Variants in NELL2 observed in about 807,000 individuals in gnomAD.
NELL2 encodes the protein protein kinase C-binding protein NELL2.
Under a neutral mutation model 109.6 loss-of-function variants are expected in NELL2, and 41 were observed. That is an observed-to-expected ratio of 0.37 (90% CI 0.29 to 0.49). NELL2 has a LOEUF of 0.49. NELL2 is among the 20% of genes least tolerant of loss of function. The probability of loss-of-function intolerance (pLI) is 0.98; values close to 1 mark genes in which losing one functional copy is unlikely to be tolerated. For synonymous variants in NELL2, 355 were observed against 344.7 expected (o/e 1.03, Z -0.33); for missense variants, 900 against 1,008.3 (o/e 0.89, Z 1.45).
chr12:44,734,865 T>G (rs1415031502), intron 9 of NELL2, among the ~76,000 whole-genome samples: 1 of 152,056 alleles, frequency 6.6e-6, no homozygotes, highest in East Asian at 1.9e-4. Context: ...TTTTTTCAGC[T>G]TTTTACTTTT....
chr12:44,837,125 TACTG>T (rs1394143301), intron 2 of NELL2, among the ~76,000 whole-genome samples: 3 of 152,254 alleles, frequency 2.0e-5, no homozygotes, highest in African/African-American at 7.2e-5. Context: ...AGCTACTATT[TACTG>T]ACTGCTTACT....
chr12:44,555,415 C>T (rs1943213298), intron 15 of NELL2, among the ~76,000 whole-genome samples: 2 of 152,066 alleles, frequency 1.3e-5, no homozygotes, highest in Admixed American at 6.5e-5. Flanking sequence ...TATGAGTCTT[C>T]GAACCTTCAT....
Position 44,520,183 on chromosome 12 carries a change from C to G in NELL2, c.2222G>C (p.Cys741Ser), listed in dbSNP as rs1013320732. 8 of 1,613,456 alleles carry G rather than the reference C, an allele frequency of 5.0e-6. No individual in the cohort carries two copies. The African/African-American group carries it at 1.1e-4, about 22-fold the overall frequency. The change falls in exon 19 of 20, where the codon TGT becomes TCT. Residue 741 changes from cysteine to serine, a missense_variant. Cys to Ser is a moderately radical substitution (Grantham distance 112, BLOSUM62 -1). Coordinates refer to ENST00000429094, the MANE Select transcript of NELL2 (RefSeq NM_001145108.2). ...CWPLPCPDVECEFSILPENEC... is the reference protein window; with the variant it reads ...CWPLPCPDVESEFSILPENEC... ...ATTCTCTGGGAGAATGCTGAATTCA[C>G]ACTCCACATCTGGGCAAGGCAGGGG...
At position 44,740,010 on chromosome 12, in the gene NELL2, T is replaced by A. The variant is rs1274638769; in HGVS notation, c.995-25269A>T. On this transcript the variant is annotated intron_variant, in intron 9 of 19. Transcript: ENST00000429094. The stretch of plus-strand genomic sequence containing the variant: ...TAAAGACAGAGTTTAGTGGCTACAA[T>A]ACAAACCATGTGGCATGCAAGACCA... Among the ~76,000 whole-genome samples, 28 of 152,338 alleles carry A rather than the reference T, an allele frequency of 1.8e-4. No individual in the cohort carries two copies. The South Asian group carries it at 5.8e-3, about 32-fold the overall frequency.
intron 3 of NELL2, among the ~76,000 whole-genome samples, chr12:44,814,821 T>C (rs775338119): frequency 3.9e-5 from 6 of 152,220 alleles, no homozygotes; most frequent in Non-Finnish European, 8.8e-5. Context: ...GTTTGCTCTT[T>C]AGTATTTAGT....
intron 1 of NELL2, among the ~76,000 whole-genome samples, chr12:44,919,240 C>T (rs1945851684): frequency 6.6e-6 from 1 of 151,924 alleles, no homozygotes; most frequent in Non-Finnish European, 1.5e-5. Flanking sequence ...AATAATAGTG[C>T]CTGTCTCTTA....
chr12:44,589,222 T>C (rs1047828628), intron 15 of NELL2, among the ~76,000 whole-genome samples: 5 of 152,164 alleles, frequency 3.3e-5, no homozygotes, highest in African/African-American at 1.2e-4. Context: ...GAGTTCTAAC[T>C]TTGTATTTAA....
intron 13 of NELL2, among the ~76,000 whole-genome samples, chr12:44,646,614 C>T (rs1947104430): frequency 6.6e-6 from 1 of 152,090 alleles, no homozygotes; most frequent in African/African-American, 2.4e-5. Flanking sequence ...TGTACTCAAC[C>T]ATTTTTGGAT....
intron 9 of NELL2, among the ~76,000 whole-genome samples, chr12:44,752,586 G>A (rs1940701363): frequency 6.6e-6 from 1 of 152,120 alleles, no homozygotes; most frequent in African/African-American, 2.4e-5. Context: ...ATTCTTAGGA[G>A]ATAAATAAAA....
At chr12:44,731,664 T>A (rs1019654737) in intron 9 of NELL2, among the ~76,000 whole-genome samples, 1 of 152,070 alleles carries the variant, frequency 6.6e-6, no homozygotes, top group Non-Finnish European at 1.5e-5. Context: ...TAAACTAAGT[T>A]TCTCTTTTAC....
At chr12:44,549,232 A>G (rs1305776968) in intron 15 of NELL2, among the ~76,000 whole-genome samples, 1 of 152,220 alleles carries the variant, frequency 6.6e-6, no homozygotes, top group Non-Finnish European at 1.5e-5. Flanking sequence ...ACAGAAATCT[A>G]TTTCCTCTTC....
At chr12:44,901,189 T>C (rs139031012) in intron 1 of NELL2, among the ~76,000 whole-genome samples, 3,699 of 151,922 alleles carry the variant, frequency 0.024, 164 homozygotes, top group African/African-American at 0.084. Flanking sequence ...AAGAATCAAA[T>C]AGACACAATA....
At chr12:44,852,671 A>C (rs1944566972) in intron 2 of NELL2, among the ~76,000 whole-genome samples, 1 of 152,206 alleles carries the variant, frequency 6.6e-6, no homozygotes, top group East Asian at 1.9e-4. Flanking sequence ...TGACCAAAAT[A>C]ACAAAAAGTA....
chr12:44,638,029 T>A (rs1003185720), intron 13 of NELL2, among the ~76,000 whole-genome samples: 1 of 152,072 alleles, frequency 6.6e-6, no homozygotes, highest in Admixed American at 6.6e-5. Flanking sequence ...CCTCATCCTC[T>A]GTACTCACTT....
intron 15 of NELL2, among the ~76,000 whole-genome samples, chr12:44,554,635 A>G (rs1420144165): frequency 1.3e-5 from 2 of 152,228 alleles, no homozygotes; most frequent in South Asian, 2.1e-4. Context: ...TTAAAAAGCT[A>G]TTAAAACATA....
chr12:44,633,170 T>C (rs753516921), intron 13 of NELL2, among the ~76,000 whole-genome samples: 2 of 151,928 alleles, frequency 1.3e-5, no homozygotes, highest in Non-Finnish European at 2.9e-5. Flanking sequence ...GATTATGAGG[T>C]AAAGGCAACA....
At chr12:44,717,716 G>A (rs1310315742) in intron 9 of NELL2, among the ~76,000 whole-genome samples, 1 of 152,184 alleles carries the variant, frequency 6.6e-6, no homozygotes, top group Non-Finnish European at 1.5e-5. Flanking sequence ...AGGCTGCCTT[G>A]TAAAAGCTGT....
intron 2 of NELL2, among the ~76,000 whole-genome samples, chr12:44,832,997 A>C (rs1943933187): frequency 6.6e-6 from 1 of 152,232 alleles, no homozygotes; most frequent in Admixed American, 6.5e-5. Context: ...ATCAGAGAAA[A>C]TAATTACTAA....
intron 11 of NELL2, among the ~76,000 whole-genome samples, chr12:44,708,454 A>G (rs781587892): frequency 6.6e-6 from 1 of 152,176 alleles, no homozygotes; most frequent in Non-Finnish European, 1.5e-5. Context: ...CTACTCTTTC[A>G]GATGTGAACA....
Sources: gnomAD v4.1 joint callset for allele counts (sites outside exome capture counted in the v4.1 genomes callset) on GRCh38, gnomAD v4.1.1 for gene constraint, MANE v1.5 for transcripts, NCBI Gene and HGNC (gene_info 2026-07-23, HGNC 2026-07-21) for gene names.